PBLD: variants seen among roughly 807,000 people sequenced by gnomAD.
PBLD encodes the protein phenazine biosynthesis like protein domain containing.
PBLD carries 26 observed loss-of-function variants against 31.3 expected under a neutral mutation model. The observed-to-expected ratio is 0.83, with a 90% CI of 0.61 to 1.15. PBLD has a LOEUF of 1.15. Among genes scored for constraint, PBLD ranks in the 50% most tolerant of loss-of-function variants. The probability of loss-of-function intolerance (pLI) is 0.00; values close to 1 mark genes in which losing one functional copy is unlikely to be tolerated. For missense variants in PBLD, 307 were observed against 351.7 expected, an observed-to-expected ratio of 0.87 and a Z score of 1.02; for synonymous variants, 114 against 129.0, an observed-to-expected ratio of 0.88 and a Z score of 0.79.
At chr10:68,318,848 T>C (rs1345493653) in intron 1 of PBLD, among the ~76,000 whole-genome samples, 3 of 151,754 alleles carry the variant, frequency 2.0e-5, no homozygotes, top group Non-Finnish European at 4.4e-5. Context: ...AGAGAACAGC[T>C]TGAGTCCAGA....
In PBLD at chr10:68,285,535, G is replaced by A; in HGVS notation, c.692-125C>T. 3.0e-6 allele frequency: 4 copies of A among 1,336,876 alleles called. No homozygotes were observed. The African/African-American group carries it at 5.9e-5, about 20-fold the overall frequency. 82.8% of individuals were successfully genotyped at this position (1,336,876 alleles called of 1,614,324 possible). A position where few individuals can be genotyped will look rare whatever the true frequency, so the allele number is the denominator to read the frequency against. ...AACTCTAGATCACCTAAATCATTAT[G>A]TTGGCCAGGCCACAGCAGGGTGTAG... On this transcript the variant is annotated intron_variant, in intron 8 of 9. Transcript: ENST00000358769.
chr10:68,296,848 G>A (rs759805187), intron 3 of PBLD, 38 bp downstream of exon 3: 14 of 1,533,172 alleles, frequency 9.1e-6, no homozygotes, highest in African/African-American at 4.1e-5. Context: ...CAGCCCGTGC[G>A]ACAGAACAGT....
chr10:68,326,332 GC>G (rs2044920040), intron 1 of PBLD, among the ~76,000 whole-genome samples: 2 of 152,266 alleles, frequency 1.3e-5, no homozygotes, highest in East Asian at 3.9e-4. Flanking sequence ...GAGCCACTGT[GC>G]CAAGCTGTAC....
chr10:68,301,866 A>G (rs1409210415), intron 2 of PBLD, among the ~76,000 whole-genome samples: 1 of 152,158 alleles, frequency 6.6e-6, no homozygotes, highest in East Asian at 1.9e-4. Flanking sequence ...ATTTCTTGCA[A>G]TTTGAATTTA....
intron 2 of PBLD, among the ~76,000 whole-genome samples, chr10:68,303,599 A>T (rs117402086): frequency 0.048 from 6,465 of 135,312 alleles, 164 homozygotes; most frequent in African/African-American, 0.053. Flanking sequence ...AATAAAAATT[A>T]AAAAATTTAA....
At chr10:68,293,124 T>C (rs2044381379) in intron 4 of PBLD, among the ~76,000 whole-genome samples, 1 of 152,168 alleles carries the variant, frequency 6.6e-6, no homozygotes, top group Non-Finnish European at 1.5e-5. Context: ...GCTCCCAAAG[T>C]GTTGGGATTA....
At chr10:68,325,107 G>A (rs891655713) in intron 1 of PBLD, among the ~76,000 whole-genome samples, 2 of 151,666 alleles carry the variant, frequency 1.3e-5, no homozygotes, top group Non-Finnish European at 2.9e-5. Flanking sequence ...AGCCAGGTGC[G>A]GTGGCAGGCA....
intron 8 of PBLD, chr10:68,288,268 C>G (rs2044312924): frequency 1.8e-6 from 1 of 549,500 alleles, no homozygotes; most frequent in Non-Finnish European, 3.1e-6. Flanking sequence ...CCCAGGCTGT[C>G]TGACACTCAG....
rs1336934709 is a variant in PBLD at position 68,282,731 on chromosome 10, A to G, written c.*1446T>C. 1 of 152,210 alleles carries G rather than the reference A, an allele frequency of 6.6e-6. No homozygotes were observed. The highest frequency in any genetic ancestry group is 2.4e-5 in the African/African-American group (1 of 41,448). 9.4% of individuals were successfully genotyped at this position (152,210 alleles called of 1,614,324 possible). On this transcript the variant is annotated 3_prime_UTR_variant, in exon 10 of 10. Transcript: ENST00000358769. ...ACTGCTATAATAAATTCACTCTTAC[A>G]TGCTTTAGCAAAAATCAGTAAAAAT...
chr10:68,331,548 G>A (rs2045091193), intron 1 of PBLD: 2 of 152,248 alleles, frequency 1.3e-5, no homozygotes, highest in African/African-American at 4.8e-5. Context: ...CCCAGTGGAC[G>A]CTTTCATCTT....
chr10:68,306,604 T>C (rs2044582214), intron 2 of PBLD, among the ~76,000 whole-genome samples, 157 bp downstream of exon 2: 1 of 152,200 alleles, frequency 6.6e-6, no homozygotes, highest in African/African-American at 2.4e-5. Context: ...AATACTTTGG[T>C]CAAAATCAAC....
At chr10:68,322,675 A>C (rs2044854172) in intron 1 of PBLD, among the ~76,000 whole-genome samples, 1 of 151,886 alleles carries the variant, frequency 6.6e-6, no homozygotes, top group South Asian at 2.1e-4. Context: ...AAAAAAAAAA[A>C]AAAGTAATGG....
intron 1 of PBLD, among the ~76,000 whole-genome samples, chr10:68,330,457 T>C (rs915372170): frequency 2.0e-5 from 3 of 152,198 alleles, no homozygotes; most frequent in Admixed American, 6.5e-5. Context: ...GTCTACAATC[T>C]AGCTTCATCC....
intron 2 of PBLD, 98 bp from the exon 3 acceptor site, chr10:68,297,083 A>T (rs2044440335): frequency 3.2e-6 from 3 of 941,570 alleles, no homozygotes; most frequent in Non-Finnish European, 5.1e-6. Flanking sequence ...TTTAGCAATA[A>T]TAAGAGTTAC....
intron 1 of PBLD, among the ~76,000 whole-genome samples, chr10:68,318,851 A>T (rs1338965535): frequency 6.6e-6 from 1 of 151,968 alleles, no homozygotes; most frequent in East Asian, 1.9e-4. Flanking sequence ...GAACAGCTTG[A>T]GTCCAGAAGT....
intron 8 of PBLD, among the ~76,000 whole-genome samples, chr10:68,286,386 C>A (rs1379531778): frequency 1.3e-5 from 2 of 152,200 alleles, no homozygotes; most frequent in African/African-American, 4.8e-5. Context: ...CTGCGCCCAG[C>A]CTTGCATAAG....
rs1227148391 is a variant in PBLD at position 68,288,530 on chromosome 10, G to C, written c.644C>G (p.Ser215Ter). 6.2e-7 allele frequency: 1 copy of C among 1,614,196 alleles called. No homozygotes were observed. The highest frequency in any genetic ancestry group is 8.5e-7 in the Non-Finnish European group (1 of 1,180,032). ...GGQTQAFDFYSRYFAPWVGVA... is the reference protein window; with the variant it reads ...GGQTQAFDFY ...ACCAACCCACGGTGCAAAATATCTT[G>C]AGTAAAAGTCAAATGCTTGGGTCTG... Residue 215 changes from serine (S) to a stop codon, truncating the protein, a stop_gained, in exon 8 of 10, where the codon TCA (serine) becomes TGA (stop). Transcript: ENST00000358769. LOFTEE classifies it high-confidence loss of function.
intron 1 of PBLD, among the ~76,000 whole-genome samples, chr10:68,311,742 A>C (rs2044671264): frequency 8.2e-6 from 1 of 122,124 alleles, no homozygotes; most frequent in Non-Finnish European, 1.6e-5. Flanking sequence ...GCAGAGCGAG[A>C]CCCTGCCTCA....
chr10:68,291,183 G>C (rs747293028), intron 6 of PBLD, among the ~76,000 whole-genome samples: 3 of 152,114 alleles, frequency 2.0e-5, no homozygotes, highest in Non-Finnish European at 2.9e-5. Context: ...CCAAGCCCCT[G>C]GTCATCCAGG....
Sources: allele counts gnomAD v4.1 joint callset (sites outside exome capture counted in the v4.1 genomes callset), GRCh38; gene constraint gnomAD v4.1.1; transcripts MANE v1.5; gene names NCBI Gene and HGNC (gene_info 2026-07-23, HGNC 2026-07-21).